Variants in PCDHGB5 observed in about 807,000 individuals in gnomAD.
The protein encoded by PCDHGB5 is protocadherin gamma-B5.
PCDHGB5 carries 48 observed loss-of-function variants against 62.9 expected under a neutral mutation model. That is an observed-to-expected ratio of 0.76 (90% CI 0.61 to 0.97). PCDHGB5 has a LOEUF of 0.97. Among genes scored for constraint, PCDHGB5 ranks in the 50% least tolerant of loss-of-function variants. The pLI is 0.00. For synonymous variants in PCDHGB5, 474 were observed against 511.2 expected (o/e 0.93, Z 0.98); for missense variants, 1,118 against 1,198.6 (o/e 0.93, Z 0.99).
chr5:141,477,778 C>A lies in PCDHGB5; in HGVS notation c.2398-17029C>A. The stretch of plus-strand genomic sequence containing the variant: ...TCCTAGCCACCAACATCAGCGTGAA[C>A]ATATTTGTCACTGATCGCAATGACA... On this transcript the variant is annotated intron_variant, in intron 1 of 3. Coordinates refer to ENST00000617380, the MANE Select transcript of PCDHGB5 (RefSeq NM_018925.3). The surrounding 1 kb of genome is among the most constrained non-coding windows in gnomAD (Gnocchi z 4.9). The A allele has an allele frequency of 6.2e-7, 1 of 1,614,052 alleles. No individual in the cohort carries two copies. The highest frequency in any genetic ancestry group is 8.5e-7 in the Non-Finnish European group (1 of 1,180,040).
chr5:141,486,884 C>G lies in PCDHGB5; in HGVS notation c.2398-7923C>G, dbSNP rs1272694679. On this transcript the variant is annotated intron_variant, in intron 1 of 3. Transcript: ENST00000617380. The surrounding 1 kb of genome is among the most constrained non-coding windows in gnomAD (Gnocchi z 5.0). ...TCCAGCTGTGCTCCGTCCTCGGGCC[C>G]GGCCTGGTTCCTTATGTCCCCAAGC... The G allele has an allele frequency of 6.2e-7, 1 of 1,614,224 alleles. No homozygotes were observed. The highest frequency in any genetic ancestry group is 8.5e-7 in the Non-Finnish European group (1 of 1,180,046).
chr5:141,434,852 A>G (rs1382212982), intron 1 of PCDHGB5, among the ~76,000 whole-genome samples: 2 of 151,990 alleles, frequency 1.3e-5, no homozygotes, highest in Non-Finnish European at 2.9e-5. Context: ...AGACATCAAT[A>G]AATTTATATA....
In PCDHGB5 at chr5:141,476,877, T is replaced by C. The variant is rs2099400648; in HGVS notation, c.2398-17930T>C. ...CAGTCCTTGTACCGGGCGCGCGTCC[T>C]GGAGGATGCACCCTCCGGCACGCGC... On this transcript the variant is annotated intron_variant, in intron 1 of 3. Transcript: ENST00000617380. This position sits in a 1 kb window ranked among gnomAD's most constrained non-coding sequence, Gnocchi z 7.6. 4.3e-6 allele frequency: 7 copies of C among 1,613,954 alleles called. No homozygotes were observed. The highest frequency in any genetic ancestry group is 5.9e-6 in the Non-Finnish European group (7 of 1,180,038).
chr5:141,508,721 G>A (rs1266581528), intron 3 of PCDHGB5, among the ~76,000 whole-genome samples: 1 of 151,930 alleles, frequency 6.6e-6, no homozygotes, highest in Non-Finnish European at 1.5e-5. Flanking sequence ...TCTGTGTGCA[G>A]GGAGACTACA....
chr5:141,422,432 A>G, intron 1 of PCDHGB5: 1 of 1,609,448 alleles, frequency 6.2e-7, no homozygotes, highest in Non-Finnish European at 8.5e-7. Context: ...TATGGAAATT[A>G]TTACAAATTG....
At chr5:141,467,630 T>A (rs1483747040) in intron 1 of PCDHGB5, among the ~76,000 whole-genome samples, 2 of 152,194 alleles carry the variant, frequency 1.3e-5, no homozygotes, top group African/African-American at 4.8e-5. Flanking sequence ...TGAGATAGCA[T>A]CTTTATCATG....
At chr5:141,427,869 AC>A in intron 1 of PCDHGB5, 1 of 1,559,604 alleles carries the variant, frequency 6.4e-7, no homozygotes, top group Non-Finnish European at 8.8e-7. Context: ...CTTCGAGCTC[AC>A]GATGCAGGCC....
intron 1 of PCDHGB5, chr5:141,422,638 T>G (rs1412270971): frequency 6.2e-7 from 1 of 1,612,392 alleles, no homozygotes. Context: ...CAGGGGTGCC[T>G]CCATCTTCTC....
chr5:141,422,150 T>A (rs773805631), intron 1 of PCDHGB5: 1 of 1,577,174 alleles, frequency 6.3e-7, no homozygotes, highest in Non-Finnish European at 8.6e-7. Context: ...CGGGGGTCTC[T>A]GGATTTTGAA....
intron 1 of PCDHGB5, chr5:141,407,890 A>C (rs2094997846): frequency 2.5e-6 from 1 of 395,960 alleles, no homozygotes. Flanking sequence ...TCGGAGACCG[A>C]ATTCAAAATG....
In PCDHGB5 at chr5:141,422,662, G is replaced by A. The variant is rs771844166; in HGVS notation, c.2397+22138G>A. On this transcript the variant is annotated intron_variant, in intron 1 of 3. Transcript: ENST00000617380. Reference sequence around the variant, plus strand: ...CTCCATCTTCTCAGTGACCGCCCTCGACCCGGACAGCAAACAGAATGCCCT... The same window carrying A: ...CTCCATCTTCTCAGTGACCGCCCTCAACCCGGACAGCAAACAGAATGCCCT... 4 of 1,608,410 alleles carry A rather than the reference G, an allele frequency of 2.5e-6. No individual in the cohort carries two copies. In the South Asian group the frequency reaches 3.3e-5, roughly 13 times the overall value.
intron 1 of PCDHGB5, among the ~76,000 whole-genome samples, chr5:141,447,787 T>C (rs1025269338): frequency 1.3e-5 from 2 of 152,106 alleles, no homozygotes; most frequent in Non-Finnish European, 2.9e-5. Context: ...TGAAAATAAA[T>C]TTAAGAAAAT....
chr5:141,491,072 C>T lies in PCDHGB5; in HGVS notation c.2398-3735C>T, dbSNP rs778221466. The T allele has an allele frequency of 6.2e-7, 1 of 1,614,204 alleles. No individual in the cohort carries two copies. Among genetic ancestry groups the T allele is most frequent in the South Asian group, 1.1e-5 (1 of 91,086 alleles). On this transcript the variant is annotated intron_variant, in intron 1 of 3. Coordinates refer to ENST00000617380, the MANE Select transcript of PCDHGB5 (RefSeq NM_018925.3). The surrounding 1 kb of genome is among the most constrained non-coding windows in gnomAD (Gnocchi z 6.9). ...GCGTGGCTCTCCTACTCACTGTTGCCACAGTCCACAGCCCCAGGACTGTTC... is the reference window on the plus strand; with the variant it reads ...GCGTGGCTCTCCTACTCACTGTTGCTACAGTCCACAGCCCCAGGACTGTTC...
chr5:141,419,846 G>T (rs1407937968), intron 1 of PCDHGB5: 2 of 1,614,066 alleles, frequency 1.2e-6, no homozygotes, highest in Non-Finnish European at 1.7e-6. Context: ...GCTGCACCTG[G>T]TGTTCGCAGA....
At chr5:141,502,140 G>A (rs534984161) in intron 2 of PCDHGB5, among the ~76,000 whole-genome samples, 1 of 152,268 alleles carries the variant, frequency 6.6e-6, no homozygotes, top group South Asian at 2.1e-4. Context: ...CAGTCGGGCC[G>A]GAAGTAAGGA....
chr5:141,490,480 C>A lies in PCDHGB5; in HGVS notation c.2398-4327C>A, dbSNP rs564439931. ...GCTGCTAACCAGCCAGCCTTTGGAC[C>A]GGGAGGCCACATCCCACTATATCAT... On this transcript the variant is annotated intron_variant, in intron 1 of 3. Transcript: ENST00000617380. The surrounding 1 kb of genome is among the most constrained non-coding windows in gnomAD (Gnocchi z 5.4). 2.5e-5 allele frequency: 40 copies of A among 1,614,076 alleles called. No homozygotes were observed. The highest frequency in any genetic ancestry group is 5.9e-6 in the Non-Finnish European group (7 of 1,180,058).
At chr5:141,403,501 G>A in intron 1 of PCDHGB5, 1 of 1,614,048 alleles carries the variant, frequency 6.2e-7, no homozygotes, top group South Asian at 1.1e-5. Context: ...TGAACGTGCA[G>A]ACTGGAGACA....
intron 1 of PCDHGB5, chr5:141,405,580 G>T: frequency 1.7e-6 from 1 of 591,996 alleles, no homozygotes; most frequent in South Asian, 2.1e-5. Flanking sequence ...GAGTAGCTGG[G>T]ACTACAGGCC....
At chr5:141,408,019 A>G (rs1589652051) in intron 1 of PCDHGB5, 1 of 1,031,592 alleles carries the variant, frequency 9.7e-7, no homozygotes, top group Admixed American at 3.2e-5. Context: ...GCAGCCAACA[A>G]CAGAAAGAAG....
Sources: allele counts gnomAD v4.1 joint callset (sites outside exome capture counted in the v4.1 genomes callset), GRCh38; gene constraint gnomAD v4.1.1; non-coding constraint Gnocchi (gnomAD v3.1); transcripts MANE v1.5; gene names NCBI Gene and HGNC (gene_info 2026-07-23, HGNC 2026-07-21).